Variants in BLTP1 observed in about 807,000 individuals in gnomAD.
BLTP1 encodes bridge-like lipid transfer protein family member 1, also known as fragile site-associated protein.
chr4:122,326,847 T>G, the BLTP1 span, among the ~76,000 whole-genome samples: 13 of 151,856 alleles, frequency 8.6e-5, no homozygotes, highest in East Asian at 2.5e-3. Context: ...TACCAAAGTT[T>G]TAAAAATTGG....
the BLTP1 span, chr4:122,270,914 T>C: frequency 7.1e-7 from 1 of 1,399,512 alleles, no homozygotes; most frequent in Non-Finnish European, 9.4e-7. Context: ...TATTTAAGAC[T>C]CATATTTTAC....
the BLTP1 span, chr4:122,234,931 G>A: frequency 6.2e-7 from 1 of 1,613,488 alleles, no homozygotes; most frequent in Non-Finnish European, 8.5e-7. Flanking sequence ...GCATTTTCAA[G>A]CACAAGTGCA....
At chr4:122,287,014 G>T in the BLTP1 span, among the ~76,000 whole-genome samples, 2 of 152,068 alleles carry the variant, frequency 1.3e-5, no homozygotes, top group Non-Finnish European at 2.9e-5. Flanking sequence ...TTAAAAATAT[G>T]TATTAGTTAT....
the BLTP1 span, chr4:122,207,237 C>T: frequency 8.1e-6 from 13 of 1,609,458 alleles, no homozygotes; most frequent in African/African-American, 1.1e-4. Context: ...ACAATTGGAT[C>T]GACTGTTCTA....
At chr4:122,228,889 T>G in the BLTP1 span, among the ~76,000 whole-genome samples, 1 of 152,222 alleles carries the variant, frequency 6.6e-6, no homozygotes, top group Non-Finnish European at 1.5e-5. Context: ...TATTTGCCCC[T>G]TCTGAATGAA....
chr4:122,162,610 T>G, the BLTP1 span: 1 of 985,192 alleles, frequency 1.0e-6, no homozygotes. Context: ...CTCTCATCCA[T>G]AATTCCTTTC....
the BLTP1 span, chr4:122,170,415 A>T: frequency 1.0e-6 from 1 of 979,032 alleles, no homozygotes; most frequent in East Asian, 1.1e-4. Context: ...AAATCAGGAC[A>T]TTACAAGTAT....
At chr4:122,165,552 T>C in the BLTP1 span, among the ~76,000 whole-genome samples, 2 of 128,928 alleles carry the variant, frequency 1.6e-5, no homozygotes, top group African/African-American at 5.2e-5. Context: ...TGCGTCTTTA[T>C]AGCAGCTTGT....
At chr4:122,337,205 A>G in the BLTP1 span, 2 of 573,166 alleles carry the variant, frequency 3.5e-6, no homozygotes, top group African/African-American at 3.8e-5. Flanking sequence ...TTTTATGTAT[A>G]TACAGATGCT....
At chr4:122,244,951 A>C in the BLTP1 span, 1 of 1,546,894 alleles carries the variant, frequency 6.5e-7, no homozygotes, top group Non-Finnish European at 8.8e-7. Flanking sequence ...GTTTCATGAT[A>C]TGTTTACATA....
chr4:122,172,981 C>G, the BLTP1 span: 1 of 1,601,590 alleles, frequency 6.2e-7, no homozygotes, highest in African/African-American at 1.3e-5. Context: ...TGTAAGAGGA[C>G]ACATTACTGT....
At chr4:122,263,389 T>A in the BLTP1 span, 4 of 1,468,858 alleles carry the variant, frequency 2.7e-6, no homozygotes, top group South Asian at 6.2e-5. Context: ...AATTACATTT[T>A]TTTGCTCCTT....
At chr4:122,274,092 TG>T in the BLTP1 span, among the ~76,000 whole-genome samples, 1 of 152,082 alleles carries the variant, frequency 6.6e-6, no homozygotes, top group African/African-American at 2.4e-5. Context: ...AATGCAGGAA[TG>T]GCATATTGAA....
the BLTP1 span, chr4:122,175,348 G>C: frequency 1.4e-6 from 1 of 716,644 alleles, no homozygotes; most frequent in Non-Finnish European, 1.7e-6. Context: ...TTTGGGGCAT[G>C]AGATGATAGG....
the BLTP1 span, chr4:122,245,058 A>T: frequency 5.0e-6 from 8 of 1,612,472 alleles, no homozygotes; most frequent in African/African-American, 1.3e-5. Flanking sequence ...AGTACCCGAC[A>T]TCCAGCTGCA....
At chr4:122,261,458 T>C in the BLTP1 span, 2 of 984,196 alleles carry the variant, frequency 2.0e-6, no homozygotes, top group Non-Finnish European at 2.4e-6. Context: ...GTAGTCTTTT[T>C]TTGTACTGTA....
At chr4:122,218,636 A>T in the BLTP1 span, among the ~76,000 whole-genome samples, 1 of 152,230 alleles carries the variant, frequency 6.6e-6, no homozygotes, top group East Asian at 1.9e-4. Context: ...GGAATATTTA[A>T]CAACTTTTAT....
chr4:122,288,989 T>G, the BLTP1 span: 2 of 1,298,482 alleles, frequency 1.5e-6, no homozygotes, highest in Non-Finnish European at 2.1e-6. Context: ...CATATAGAGA[T>G]AATTATCTCT....
At chr4:122,333,956 C>T in the BLTP1 span, 2 of 996,844 alleles carry the variant, frequency 2.0e-6, no homozygotes, top group East Asian at 5.9e-5. Flanking sequence ...GACAGAAGAA[C>T]ATCAAAACTG....
Sources: gnomAD v4.1 joint callset for allele counts (sites outside exome capture counted in the v4.1 genomes callset) on GRCh38, gnomAD v4.1.1 for gene constraint, MANE v1.5 for transcripts, NCBI Gene and HGNC (gene_info 2026-07-23, HGNC 2026-07-21) for gene names.